Variants in FHIT observed in about 807,000 individuals in gnomAD.
FHIT encodes the protein bis(5'-adenosyl)-triphosphatase.
In FHIT, 19 loss-of-function variants were observed where a neutral mutation model predicts 17.9. That is an observed-to-expected ratio of 1.06 (90% confidence interval 0.74 to 1.56). The LOEUF is 1.56. Ranked by LOEUF, FHIT falls within the 40% of genes most tolerant of loss-of-function variation. The pLI is 0.00. For synonymous variants in FHIT, 81 were observed against 69.7 expected (o/e 1.16, Z -0.81); for missense variants, 248 against 189.2 (o/e 1.31, Z -1.82).
intron 2 of FHIT, among the ~76,000 whole-genome samples, chr3:61,166,386 T>C (rs907083299): frequency 1.3e-5 from 2 of 152,188 alleles, no homozygotes; most frequent in Admixed American, 1.3e-4. Flanking sequence ...TCTGTTTTCA[T>C]TATACCACCT....
At chr3:60,398,542 A>C (rs1160970458) in intron 5 of FHIT, among the ~76,000 whole-genome samples, 1 of 152,176 alleles carries the variant, frequency 6.6e-6, no homozygotes, top group Non-Finnish European at 1.5e-5. Flanking sequence ...TCACATAGGT[A>C]TTAATGCCAC....
At chr3:61,054,005 C>T (rs1228607562) in intron 2 of FHIT, among the ~76,000 whole-genome samples, 1 of 152,192 alleles carries the variant, frequency 6.6e-6, no homozygotes, top group Non-Finnish European at 1.5e-5. Flanking sequence ...ACAGGGTCAT[C>T]TGTCCAGAGG....
chr3:60,519,103 A>T (rs2035265807), intron 5 of FHIT, among the ~76,000 whole-genome samples: 1 of 152,248 alleles, frequency 6.6e-6, no homozygotes, highest in African/African-American at 2.4e-5. Flanking sequence ...TTTCAAGAGA[A>T]ACATGTAAGA....
chr3:60,832,850 A>G (rs1332102797), intron 3 of FHIT, among the ~76,000 whole-genome samples: 2 of 152,238 alleles, frequency 1.3e-5, no homozygotes, highest in East Asian at 1.9e-4. Flanking sequence ...AAAGTTAATA[A>G]GAGATTTTAC....
At chr3:60,465,992 A>T (rs1341010740) in intron 5 of FHIT, among the ~76,000 whole-genome samples, 1 of 152,096 alleles carries the variant, frequency 6.6e-6, no homozygotes, top group Non-Finnish European at 1.5e-5. Context: ...GGGCATTTTA[A>T]CAGTATTGAT....
chr3:60,188,891 G>T (rs1346092487), intron 5 of FHIT, among the ~76,000 whole-genome samples: 2 of 151,974 alleles, frequency 1.3e-5, no homozygotes, highest in African/African-American at 4.8e-5. Context: ...TAGCCGCAGG[G>T]CACCCCAGTA....
At chr3:60,601,333 C>A (rs2107713615) in intron 4 of FHIT, among the ~76,000 whole-genome samples, 1 of 152,238 alleles carries the variant, frequency 6.6e-6, no homozygotes, top group Middle Eastern at 3.4e-3. Flanking sequence ...GGTTACTGGG[C>A]CACATCTCCA....
At chr3:60,926,464 C>T (rs771760076) in intron 3 of FHIT, among the ~76,000 whole-genome samples, 10 of 152,156 alleles carry the variant, frequency 6.6e-5, no homozygotes, top group Non-Finnish European at 1.3e-4. Flanking sequence ...CTACTGGGTA[C>T]GTCGCGAAAT....
chr3:60,509,748 A>G (rs2034874513), intron 5 of FHIT, among the ~76,000 whole-genome samples: 1 of 152,240 alleles, frequency 6.6e-6, no homozygotes, highest in South Asian at 2.1e-4. Flanking sequence ...CTAGTCTTTC[A>G]TCCTCTGTTG....
intron 5 of FHIT, among the ~76,000 whole-genome samples, chr3:60,327,990 A>G (rs750459454): frequency 2.7e-4 from 41 of 152,190 alleles, no homozygotes; most frequent in Non-Finnish European, 5.0e-4. Flanking sequence ...TGTGAGAGCT[A>G]AAACATGGAG....
chr3:61,081,213 C>G (rs2106776648), intron 2 of FHIT, among the ~76,000 whole-genome samples: 1 of 152,286 alleles, frequency 6.6e-6, no homozygotes, highest in South Asian at 2.1e-4. Context: ...CTCCAGGGTT[C>G]CACTTCCAGC....
chr3:60,822,382 T>TG (rs1701960526), intron 3 of FHIT, among the ~76,000 whole-genome samples: 1 of 152,142 alleles, frequency 6.6e-6, no homozygotes, highest in Non-Finnish European at 1.5e-5. Flanking sequence ...GGCTGACCCG[T>TG]GAGTCTGGTG....
intron 3 of FHIT, among the ~76,000 whole-genome samples, chr3:60,859,313 G>T (rs1446376996): frequency 6.6e-6 from 1 of 152,140 alleles, no homozygotes; most frequent in Non-Finnish European, 1.5e-5. Flanking sequence ...TACTATGCGT[G>T]CACAGAAGAG....
At chr3:59,948,594 A>G (rs1706953998) in intron 7 of FHIT, among the ~76,000 whole-genome samples, 1 of 152,088 alleles carries the variant, frequency 6.6e-6, no homozygotes, top group Non-Finnish European at 1.5e-5. Context: ...GTTGTCTTCT[A>G]TATTTCCATC....
intron 4 of FHIT, among the ~76,000 whole-genome samples, chr3:60,776,963 T>C (rs144345784): frequency 2.0e-5 from 3 of 152,330 alleles, no homozygotes. Context: ...AAGGGTATTA[T>C]ATGGTTTTTC....
intron 4 of FHIT, among the ~76,000 whole-genome samples, chr3:60,719,966 C>G (rs2041773008): frequency 6.6e-6 from 1 of 152,164 alleles, no homozygotes; most frequent in Non-Finnish European, 1.5e-5. Context: ...GTTTCACTTA[C>G]TGCAACCAGA....
At chr3:60,250,155 G>A (rs1408449868) in intron 5 of FHIT, among the ~76,000 whole-genome samples, 1 of 151,942 alleles carries the variant, frequency 6.6e-6, no homozygotes, top group Non-Finnish European at 1.5e-5. Flanking sequence ...GAGAAGGAAA[G>A]GTAGAGGAAG....
chr3:59,932,517 C>T (rs1489904727), intron 7 of FHIT, among the ~76,000 whole-genome samples: 2 of 152,154 alleles, frequency 1.3e-5, no homozygotes, highest in African/African-American at 4.8e-5. Flanking sequence ...GAGCTGTTGT[C>T]ATAGTTCTGT....
At chr3:60,257,301 A>T (rs1230958108) in intron 5 of FHIT, among the ~76,000 whole-genome samples, 3 of 152,198 alleles carry the variant, frequency 2.0e-5, no homozygotes, top group African/African-American at 7.2e-5. Flanking sequence ...TTCAATGGAC[A>T]CCAGTTGCCA....
Sources: gnomAD v4.1 joint callset for allele counts (sites outside exome capture counted in the v4.1 genomes callset) on GRCh38, gnomAD v4.1.1 for gene constraint, MANE v1.5 for transcripts, NCBI Gene and HGNC (gene_info 2026-07-23, HGNC 2026-07-21) for gene names.